Variants in SUMF1 observed in about 807,000 individuals in gnomAD.
SUMF1 encodes the protein formylglycine-generating enzyme.
A neutral mutation model predicts 47.6 loss-of-function variants in SUMF1; 48 were observed. The observed-to-expected ratio is 1.01, with a 90% CI of 0.80 to 1.28. The LOEUF is 1.28. Ranked by LOEUF, SUMF1 falls within the 50% of genes most tolerant of loss-of-function variation. The pLI, the probability that SUMF1 is intolerant of heterozygous loss-of-function variation, is 0.00. For missense variants in SUMF1, 571 were observed against 485.4 expected (o/e 1.18, Z -1.66); for synonymous variants, 230 against 192.1 (o/e 1.20, Z -1.63).
At chr3:4,133,284 G>A (rs1001026961) in intron 8 of SUMF1, among the ~76,000 whole-genome samples, 1 of 152,092 alleles carries the variant, frequency 6.6e-6, no homozygotes, top group Non-Finnish European at 1.5e-5. Context: ...TTGGGTTGGG[G>A]ATTAGTGTGT....
chr3:4,453,666 TG>T (rs1449097766), intron 1 of SUMF1, among the ~76,000 whole-genome samples: 1 of 151,946 alleles, frequency 6.6e-6, no homozygotes, highest in Non-Finnish European at 1.5e-5. Context: ...CCTGAGTAGC[TG>T]GGATTACAGG....
Position 4,334,289 on chromosome 3 carries a change from C to G in SUMF1, c.1014+42041G>C, listed in dbSNP as rs574917224. On this transcript the variant is annotated intron_variant and NMD_transcript_variant, in intron 8 of 12. Coordinates refer to the SUMF1 transcript ENST00000448413. Reference sequence around the variant, plus strand: ...CAGATCTTTTGTTACCAGATTTTAGCTGGGACAAACGGTTGATTTTTTTGC... The same window carrying G: ...CAGATCTTTTGTTACCAGATTTTAGGTGGGACAAACGGTTGATTTTTTTGC... Among the ~76,000 whole-genome samples, 179 of 152,298 alleles carry G rather than the reference C, an allele frequency of 1.2e-3. 1 individual carries two copies. The highest frequency in any genetic ancestry group is 4.0e-3 in the African/African-American group (168 of 41,556).
At chr3:4,364,899 T>A (rs1243121145) in intron 8 of SUMF1, among the ~76,000 whole-genome samples, 1 of 150,478 alleles carries the variant, frequency 6.6e-6, no homozygotes, top group East Asian at 1.9e-4. Flanking sequence ...GCTTTGAATG[T>A]GTCCCAGAGA....
intron 8 of SUMF1, among the ~76,000 whole-genome samples, chr3:4,264,398 T>G (rs982510383): frequency 4.6e-5 from 7 of 152,180 alleles, no homozygotes; most frequent in African/African-American, 1.7e-4. Flanking sequence ...AATGTCCCAG[T>G]TCCTTTCTCA....
intron 8 of SUMF1, among the ~76,000 whole-genome samples, chr3:4,301,270 T>A (rs1014303360): frequency 6.6e-6 from 1 of 152,124 alleles, no homozygotes; most frequent in Non-Finnish European, 1.5e-5. Context: ...GTAGAATGGC[T>A]TTTTGAGGGA....
At chr3:4,165,440 G>C (rs979726899) in intron 8 of SUMF1, among the ~76,000 whole-genome samples, 1 of 152,064 alleles carries the variant, frequency 6.6e-6, no homozygotes, top group African/African-American at 2.4e-5. Flanking sequence ...GGGTGGGGGA[G>C]ATTAAAGGAG....
At chr3:4,073,282 T>G (rs1485251383) in intron 8 of SUMF1, among the ~76,000 whole-genome samples, 2 of 152,116 alleles carry the variant, frequency 1.3e-5, no homozygotes, top group African/African-American at 4.8e-5. Flanking sequence ...GAGAAGCAAA[T>G]GCTGAGAGAT....
intron 8 of SUMF1, among the ~76,000 whole-genome samples, chr3:4,146,603 G>A (rs1286771412): frequency 6.6e-6 from 1 of 151,680 alleles, no homozygotes; most frequent in Non-Finnish European, 1.5e-5. Context: ...AGTTACATAT[G>A]TATACATGTG....
chr3:4,196,976 C>T (rs1478447933), intron 8 of SUMF1, among the ~76,000 whole-genome samples: 1 of 152,248 alleles, frequency 6.6e-6, no homozygotes, highest in African/African-American at 2.4e-5. Flanking sequence ...CTACAGCAAC[C>T]TTCCATTCTA....
chr3:4,333,984 C>T (rs1366327174), intron 8 of SUMF1, among the ~76,000 whole-genome samples: 1 of 151,958 alleles, frequency 6.6e-6, no homozygotes, highest in Non-Finnish European at 1.5e-5. Flanking sequence ...TAAAAAGTAG[C>T]CAGATGTGGT....
chr3:4,268,953 G>T (rs2243965), intron 8 of SUMF1, among the ~76,000 whole-genome samples: 73,364 of 151,748 alleles, frequency 0.48, 18,545 homozygotes, highest in East Asian at 0.86. Context: ...GCATGCTCCG[G>T]TAGTATAAGG....
In SUMF1 at chr3:4,313,422, G is replaced by A. The variant is rs112513427; in HGVS notation, c.1014+62908C>T. The A allele has an allele frequency of 9.9e-6, 16 of 1,613,988 alleles. 1 individual carries two copies. In the African/African-American group the frequency reaches 1.5e-4, roughly 15 times the overall value. ...GAAGATTCCTTAATCATTCTTGTGA[G>A]CCAAACCTTTTGATGATTCCTGTCC... On this transcript the variant is annotated intron_variant and NMD_transcript_variant, in intron 8 of 12. Coordinates refer to the SUMF1 transcript ENST00000448413.
At chr3:4,310,385 A>G (rs1300898633) in intron 8 of SUMF1, among the ~76,000 whole-genome samples, 1 of 152,220 alleles carries the variant, frequency 6.6e-6, no homozygotes, top group Non-Finnish European at 1.5e-5. Context: ...TCATTTTTTA[A>G]GTCATTATCA....
At chr3:4,206,114 A>C (rs961461820) in intron 8 of SUMF1, among the ~76,000 whole-genome samples, 44 of 151,698 alleles carry the variant, frequency 2.9e-4, no homozygotes, top group African/African-American at 1.0e-3. Context: ...TTTATTTAAT[A>C]TGGCTAAGCC....
intron 8 of SUMF1, among the ~76,000 whole-genome samples, chr3:4,200,648 C>G (rs1435054293): frequency 2.6e-5 from 4 of 152,030 alleles, no homozygotes; most frequent in Admixed American, 2.6e-4. Context: ...GTGCAGATGG[C>G]CTATCATGGG....
chr3:4,419,357 C>T (rs1412369092), intron 4 of SUMF1, among the ~76,000 whole-genome samples: 1 of 152,142 alleles, frequency 6.6e-6, no homozygotes, highest in African/African-American at 2.4e-5. Flanking sequence ...TCGCAGCTCC[C>T]CGACAATAAG....
At chr3:4,431,959 G>C (rs1702247849) in intron 3 of SUMF1, among the ~76,000 whole-genome samples, 1 of 151,974 alleles carries the variant, frequency 6.6e-6, no homozygotes, top group Non-Finnish European at 1.5e-5. Flanking sequence ...TCACTTCCTG[G>C]TAGGCAGTCC....
At chr3:4,414,397 T>C (rs1195198058) in intron 6 of SUMF1, among the ~76,000 whole-genome samples, 1 of 152,216 alleles carries the variant, frequency 6.6e-6, no homozygotes, top group Non-Finnish European at 1.5e-5. Flanking sequence ...TATTTCCCTG[T>C]AGTCCATCTC....
At chr3:4,048,548 A>G (rs770678510) in intron 9 of SUMF1, among the ~76,000 whole-genome samples, 6 of 151,772 alleles carry the variant, frequency 4.0e-5, no homozygotes, top group Non-Finnish European at 8.8e-5. Context: ...TCCCCCTGTT[A>G]TAAGTCCTCA....
Sources: allele counts gnomAD v4.1 joint callset (sites outside exome capture counted in the v4.1 genomes callset), GRCh38; gene constraint gnomAD v4.1.1; transcripts MANE v1.5; gene names NCBI Gene and HGNC (gene_info 2026-07-23, HGNC 2026-07-21).